THEMIS: variants seen among roughly 807,000 people sequenced by gnomAD.
THEMIS encodes thymocyte selection associated.
In THEMIS, 37 loss-of-function variants were observed where a neutral mutation model predicts 52.6. The observed-to-expected ratio is 0.70, with a 90% CI of 0.54 to 0.93. THEMIS has a LOEUF of 0.93. Among genes scored for constraint, THEMIS ranks in the 40% least tolerant of loss-of-function variants. The probability of loss-of-function intolerance (pLI) is 0.00; values close to 1 mark genes in which losing one functional copy is unlikely to be tolerated. For missense variants in THEMIS, 808 were observed against 763.1 expected (o/e 1.06, Z -0.69); for synonymous variants, 292 against 272.7 (o/e 1.07, Z -0.70).
At chr6:127,772,478 C>G (rs1463267273) in intron 4 of THEMIS, among the ~76,000 whole-genome samples, 2 of 152,048 alleles carry the variant, frequency 1.3e-5, no homozygotes, top group Non-Finnish European at 2.9e-5. Flanking sequence ...CATTTGTCCA[C>G]TTTTCAGAAT....
intron 1 of THEMIS, among the ~76,000 whole-genome samples, chr6:127,880,869 T>A (rs1780464061): frequency 6.6e-6 from 1 of 152,162 alleles, no homozygotes; most frequent in Non-Finnish European, 1.5e-5. Context: ...ACCATTTCCA[T>A]GTAAAAAGTT....
At chr6:127,862,117 A>G (rs369858118) in intron 1 of THEMIS, among the ~76,000 whole-genome samples, 12 of 152,128 alleles carry the variant, frequency 7.9e-5, no homozygotes, top group African/African-American at 2.9e-4. Context: ...AGAAAGTTAG[A>G]GTAAAATTTC....
intron 2 of THEMIS, among the ~76,000 whole-genome samples, chr6:127,836,838 C>A (rs141194341): frequency 1.0e-3 from 157 of 152,210 alleles, no homozygotes; most frequent in Non-Finnish European, 9.7e-4. Context: ...TGGCCCCTGA[C>A]GGTCCTCTCT....
rs534952231 is a variant in THEMIS at position 127,869,963 on chromosome 6, T to C, written c.92-14775A>G. 3.3e-5 allele frequency among the ~76,000 whole-genome samples: 5 copies of C among 152,298 alleles called. No individual in the cohort carries two copies. In the East Asian group the frequency reaches 9.7e-4, roughly 29 times the overall value. ...TTAGGCCTCGCTCTTTGCCAGGCTGTAACAAGTCACTCCCCCATTTTTTGC... is the reference window on the plus strand; with the variant it reads ...TTAGGCCTCGCTCTTTGCCAGGCTGCAACAAGTCACTCCCCCATTTTTTGC... On this transcript the variant is annotated intron_variant, in intron 1 of 5. Coordinates refer to ENST00000368248, the MANE Select transcript of THEMIS (RefSeq NM_001010923.3).
At chr6:127,829,408 TA>T in intron 3 of THEMIS, 67 bp downstream of exon 3, 2 of 1,329,540 alleles carry the variant, frequency 1.5e-6, no homozygotes, top group Non-Finnish European at 2.1e-6. Flanking sequence ...CTTCAGGCTC[TA>T]AAATCTTTCT....
At chr6:127,799,587 T>TTTC (rs1562264826) in intron 4 of THEMIS, among the ~76,000 whole-genome samples, 2 of 124,550 alleles carry the variant, frequency 1.6e-5, no homozygotes, top group Non-Finnish European at 3.6e-5. Context: ...TTCTTTCTTT[T>TTTC]TTTCTTTCTT....
intron 2 of THEMIS, among the ~76,000 whole-genome samples, chr6:127,849,774 C>A (rs530292424): frequency 4.6e-5 from 7 of 152,032 alleles, no homozygotes; most frequent in Admixed American, 1.3e-4. Flanking sequence ...TATATAAGAC[C>A]TGAAACCATA....
chr6:127,718,794 G>T (rs531701920), intron 5 of THEMIS, among the ~76,000 whole-genome samples: 1 of 151,964 alleles, frequency 6.6e-6, no homozygotes, highest in East Asian at 2.0e-4. Context: ...CAATGAAAAG[G>T]TAATAAGAAA....
At chr6:127,879,752 AG>A (rs759336295) in intron 1 of THEMIS, among the ~76,000 whole-genome samples, 7 of 152,210 alleles carry the variant, frequency 4.6e-5, no homozygotes, top group East Asian at 3.9e-4. Context: ...TCGGGGAAGA[AG>A]GATGGAGAAG....
chr6:127,775,727 T>C (rs552887951), intron 4 of THEMIS, among the ~76,000 whole-genome samples: 1 of 152,300 alleles, frequency 6.6e-6, no homozygotes, highest in African/African-American at 2.4e-5. Context: ...AATGAAATGA[T>C]ACAGTATTTA....
chr6:127,879,116 T>TG, intron 1 of THEMIS, among the ~76,000 whole-genome samples: 1 of 152,354 alleles, frequency 6.6e-6, no homozygotes, highest in African/African-American at 2.4e-5. Flanking sequence ...TTCAAAAGAA[T>TG]GCTATTTCTA....
chr6:127,771,534 C>T (rs796704851), intron 4 of THEMIS, among the ~76,000 whole-genome samples: 17 of 152,192 alleles, frequency 1.1e-4, no homozygotes, highest in African/African-American at 4.1e-4. Flanking sequence ...CTACAGTAAC[C>T]AAAACAGCAT....
chr6:127,842,771 G>A (rs748693963), intron 2 of THEMIS, among the ~76,000 whole-genome samples: 9 of 151,890 alleles, frequency 5.9e-5, no homozygotes, highest in East Asian at 3.9e-4. Context: ...TTGGCAGTTC[G>A]CCAGCAACCC....
intron 1 of THEMIS, among the ~76,000 whole-genome samples, chr6:127,860,025 G>A (rs1779744109): frequency 6.6e-6 from 1 of 152,080 alleles, no homozygotes; most frequent in South Asian, 2.1e-4. Flanking sequence ...CCTAGACATG[G>A]CAGTTGATGT....
At chr6:127,831,170 C>T (rs1044805034) in intron 2 of THEMIS, among the ~76,000 whole-genome samples, 4 of 152,110 alleles carry the variant, frequency 2.6e-5, no homozygotes, top group African/African-American at 2.4e-5. Context: ...TCACTAATTT[C>T]AGTATTTGAA....
the THEMIS span, among the ~76,000 whole-genome samples, chr6:127,703,035 GTTTTTTTT>G: frequency 9.7e-5 from 8 of 82,384 alleles, no homozygotes; most frequent in East Asian, 4.1e-4. Context: ...TTTAGAATGA[GTTTTTTTT>G]TTTTTTTTTT....
intron 3 of THEMIS, among the ~76,000 whole-genome samples, chr6:127,824,304 G>T (rs1163999128): frequency 6.6e-6 from 1 of 152,066 alleles, no homozygotes; most frequent in Non-Finnish European, 1.5e-5. Flanking sequence ...GAGATCTTTA[G>T]CTCTGTCCCC....
intron 1 of THEMIS, among the ~76,000 whole-genome samples, chr6:127,870,313 T>G (rs189763762): frequency 2.0e-5 from 3 of 152,214 alleles, no homozygotes; most frequent in African/African-American, 7.2e-5. Flanking sequence ...GGGTCAGCAC[T>G]CCCATTTCAC....
chr6:127,784,371 A>T (rs1381661529), intron 4 of THEMIS, among the ~76,000 whole-genome samples: 2 of 152,152 alleles, frequency 1.3e-5, no homozygotes, highest in Non-Finnish European at 2.9e-5. Flanking sequence ...GTATCCCAGA[A>T]CTTAAAGTAT....
Sources: gnomAD v4.1 joint callset for allele counts (sites outside exome capture counted in the v4.1 genomes callset) on GRCh38, gnomAD v4.1.1 for gene constraint, MANE v1.5 for transcripts, NCBI Gene and HGNC (gene_info 2026-07-23, HGNC 2026-07-21) for gene names.